Variants in MARCHF10 observed in about 807,000 individuals in gnomAD.
MARCHF10 encodes the protein probable E3 ubiquitin-protein ligase MARCHF10.
In MARCHF10, 64 loss-of-function variants were observed where a neutral mutation model predicts 76.2. The observed-to-expected ratio is 0.84, with a 90% CI of 0.69 to 1.03. The LOEUF (loss-of-function observed/expected upper bound fraction) is 1.03, where lower values mean the gene tolerates loss of function less well. Ranked by LOEUF, MARCHF10 falls within the 50% of genes least tolerant of loss-of-function variation. The pLI is 0.00. For missense variants in MARCHF10, 875 were observed against 958.0 expected, an observed-to-expected ratio of 0.91 and a Z score of 1.14; for synonymous variants, 340 against 357.5, an observed-to-expected ratio of 0.95 and a Z score of 0.55.
At chr17:62,796,409 G>T (rs1183321732) in intron 2 of MARCHF10, among the ~76,000 whole-genome samples, 2 of 152,216 alleles carry the variant, frequency 1.3e-5, no homozygotes, top group Admixed American at 6.5e-5. Context: ...GTTACTGTGG[G>T]TTGCCATTTA....
chr17:62,761,224 T>C (rs1304744767), intron 3 of MARCHF10, among the ~76,000 whole-genome samples: 2 of 152,208 alleles, frequency 1.3e-5, no homozygotes, highest in East Asian at 3.8e-4. Context: ...AGAGTTTGGA[T>C]ACAGCCTTCA....
At chr17:62,759,325 G>C (rs1336832037) in intron 4 of MARCHF10, among the ~76,000 whole-genome samples, 2 of 152,240 alleles carry the variant, frequency 1.3e-5, no homozygotes, top group African/African-American at 4.8e-5. Flanking sequence ...GGGCGGTGGA[G>C]AAAGTTACAT....
intron 4 of MARCHF10, among the ~76,000 whole-genome samples, chr17:62,749,000 T>C (rs146578821): frequency 1.0e-3 from 157 of 152,326 alleles, no homozygotes; most frequent in African/African-American, 3.5e-3. Flanking sequence ...GGTAACTCAA[T>C]ATCCTGTTTA....
chr17:62,746,966 G>C (rs766430973), intron 4 of MARCHF10: 7 of 1,535,836 alleles, frequency 4.6e-6, no homozygotes, highest in Non-Finnish European at 6.1e-6. Context: ...CCACCAAGTC[G>C]GCTCTGACTC....
chr17:62,730,985 T>G (rs2091001981), intron 6 of MARCHF10, among the ~76,000 whole-genome samples: 1 of 152,120 alleles, frequency 6.6e-6, no homozygotes, highest in African/African-American at 2.4e-5. Context: ...GAATCAGGAA[T>G]GAAATCTAGA....
chr17:62,773,887 T>C (rs1474157686), intron 3 of MARCHF10, among the ~76,000 whole-genome samples: 1 of 152,194 alleles, frequency 6.6e-6, no homozygotes, highest in Non-Finnish European at 1.5e-5. Flanking sequence ...GTTGAGTGAC[T>C]TTTCTCCAGC....
chr17:62,789,828 G>A (rs1292324305), intron 2 of MARCHF10, among the ~76,000 whole-genome samples: 5 of 152,132 alleles, frequency 3.3e-5, no homozygotes, highest in African/African-American at 9.7e-5. Context: ...CAGCTACTCA[G>A]GAGGCTGAGG....
At chr17:62,760,471 C>T (rs1266302466) in intron 3 of MARCHF10, among the ~76,000 whole-genome samples, 1 of 152,140 alleles carries the variant, frequency 6.6e-6, no homozygotes. Context: ...ACCTCAGTTT[C>T]AATACTCTGC....
chr17:62,789,081 A>AAC (rs2092797986), intron 2 of MARCHF10, among the ~76,000 whole-genome samples: 2 of 150,296 alleles, frequency 1.3e-5, no homozygotes, highest in Non-Finnish European at 3.0e-5. Context: ...AAAAAAAAAA[A>AAC]AAAAAAAAAA....
At chr17:62,787,160 A>G (rs1038390991) in intron 3 of MARCHF10, among the ~76,000 whole-genome samples, 3 of 152,206 alleles carry the variant, frequency 2.0e-5, no homozygotes, top group African/African-American at 4.8e-5. Context: ...ATTGTGAGAT[A>G]GTCTCTTTCA....
chr17:62,720,748 A>G (rs2090440647), intron 8 of MARCHF10, among the ~76,000 whole-genome samples: 2 of 151,992 alleles, frequency 1.3e-5, no homozygotes, highest in Non-Finnish European at 2.9e-5. Flanking sequence ...TGACTCTCAG[A>G]CTTGTCTACA....
intron 3 of MARCHF10, among the ~76,000 whole-genome samples, chr17:62,783,314 CT>C (rs1291479172): frequency 2.1e-5 from 3 of 145,952 alleles, no homozygotes; most frequent in Non-Finnish European, 4.5e-5. Context: ...AATAAAGGTG[CT>C]CTTTGAAACC....
Position 62,736,512 on chromosome 17 carries a change from G to A in MARCHF10, c.1356C>T (p.Asp452=). The change falls in exon 6 of 11, where the codon GAC becomes GAT. Residue 452 remains aspartate (D), a synonymous_variant. Coordinates refer to ENST00000311269, the MANE Select transcript of MARCHF10 (RefSeq NM_152598.4). ...ATATTGGTCTGCCAGAAATAAAGTA[G>A]TCAAGAGAATTTTGAGAACTGTTTA... ...DYLNSSQNSL[D]YFISGRPISP... 2 of 1,614,172 alleles carry A rather than the reference G, an allele frequency of 1.2e-6. No homozygotes were observed. Among genetic ancestry groups the A allele is most frequent in the Non-Finnish European group, 1.7e-6 (2 of 1,180,008 alleles).
At chr17:62,796,325 T>G (rs1335137856) in intron 2 of MARCHF10, among the ~76,000 whole-genome samples, 1 of 152,200 alleles carries the variant, frequency 6.6e-6, no homozygotes, top group African/African-American at 2.4e-5. Flanking sequence ...ACCACTACTT[T>G]AAATTCTTTC....
rs754240906 is a variant in MARCHF10 at position 62,737,293 on chromosome 17, T to A, written c.575A>T (p.Lys192Met). 1 of 1,613,350 alleles carries A rather than the reference T, an allele frequency of 6.2e-7. No homozygotes were observed. Among genetic ancestry groups the A allele is most frequent in the Non-Finnish European group, 8.5e-7 (1 of 1,179,892 alleles). ...VQQEGLMCNT[K>M]LKRPNQERRN... ...TCTCTCTTGATTTGGCCTCTTCAGC[T>A]TAGTGTTACACATCAGGCCTTCTTG... The change falls in exon 6 of 11, where the codon AAG becomes ATG. Residue 192 changes from lysine (K) to methionine (M), a missense_variant. Physicochemically the swap from Lys to Met is moderately conservative, Grantham distance 95. Transcript: ENST00000311269.
chr17:62,720,898 C>G (rs971051144), intron 8 of MARCHF10, among the ~76,000 whole-genome samples: 2 of 126,126 alleles, frequency 1.6e-5, no homozygotes, highest in Non-Finnish European at 3.2e-5. Flanking sequence ...GATGGAGTCT[C>G]ACTCTGTCGC....
At chr17:62,771,390 C>G in intron 3 of MARCHF10, among the ~76,000 whole-genome samples, 1 of 151,540 alleles carries the variant, frequency 6.6e-6, no homozygotes, top group African/African-American at 2.4e-5. Context: ...CAAAGGTGCT[C>G]TATCAGGAGG....
chr17:62,732,684 A>G (rs903460931), intron 6 of MARCHF10, among the ~76,000 whole-genome samples: 3 of 152,160 alleles, frequency 2.0e-5, no homozygotes, highest in Admixed American at 2.0e-4. Flanking sequence ...AAGACAAGAT[A>G]CAAATTGCAA....
At chr17:62,792,387 T>G (rs1201870972) in intron 2 of MARCHF10, among the ~76,000 whole-genome samples, 1 of 152,062 alleles carries the variant, frequency 6.6e-6, no homozygotes, top group African/African-American at 2.4e-5. Flanking sequence ...AGTTGCAGAT[T>G]GTTGATATGT....
Sources: allele counts gnomAD v4.1 joint callset (sites outside exome capture counted in the v4.1 genomes callset), GRCh38; gene constraint gnomAD v4.1.1; transcripts MANE v1.5; gene names NCBI Gene and HGNC (gene_info 2026-07-23, HGNC 2026-07-21).